MACF1: variants seen among roughly 807,000 people sequenced by gnomAD.
MACF1 encodes microtubule actin crosslinking factor 1.
In MACF1, 193 loss-of-function variants were observed where a neutral mutation model predicts 854.8. The observed-to-expected ratio is 0.23, with a 90% CI of 0.20 to 0.25. MACF1 has a LOEUF of 0.25. Among genes scored for constraint, MACF1 ranks in the 10% least tolerant of loss-of-function variants. The probability of loss-of-function intolerance (pLI) is 1.00; values close to 1 mark genes in which losing one functional copy is unlikely to be tolerated. For missense variants in MACF1, 7,722 were observed against 8,929.1 expected (o/e 0.86, Z 5.45); for synonymous variants, 3,185 against 3,226.7 (o/e 0.99, Z 0.44).
At chr1:39,203,985 G>T (rs375965526), upstream of MACF1, among the ~76,000 whole-genome samples, 12 of 152,200 alleles carry the variant, frequency 7.9e-5, no homozygotes, top group African/African-American at 2.9e-4. Flanking sequence ...TGGGTCCTCT[G>T]GTCTAAGGCC....
rs1325897790 is a variant in MACF1, at chr1:39,105,120, G to A, written c.220+20682G>A. Among the ~76,000 whole-genome samples the A allele has an allele frequency of 1.3e-5, 2 of 151,972 alleles. No individual in the cohort carries two copies. Among genetic ancestry groups the A allele is most frequent in the African/African-American group, 2.4e-5 (1 of 41,420 alleles). On this transcript the variant is annotated intron_variant, in intron 2 of 93. Coordinates refer to the MACF1 transcript ENST00000361689. This position sits in a 1 kb window ranked among gnomAD's most constrained non-coding sequence, Gnocchi z 5.9. ...ACGCGCGGGGCCTCCCACCCAGCGG[G>A]ACTCCCGCGTGGGCCGGCCTCTCGC...
At chr1:39,469,715 C>T in intron 97 of MACF1, 100 bp downstream of exon 97, 1 of 937,058 alleles carries the variant, frequency 1.1e-6, no homozygotes, top group Non-Finnish European at 1.7e-6. Context: ...GTATCTGCTG[C>T]ATTCATGAAT....
intron 74 of MACF1, among the ~76,000 whole-genome samples, chr1:39,441,725 A>T (rs1644121838): frequency 6.6e-6 from 1 of 152,140 alleles, no homozygotes. Context: ...AGTATTTCCA[A>T]ATTGTAGTTT....
intron 97 of MACF1, among the ~76,000 whole-genome samples, chr1:39,474,110 C>A (rs544378172): frequency 6.6e-6 from 1 of 151,922 alleles, no homozygotes; most frequent in Non-Finnish European, 1.5e-5. Flanking sequence ...AAATACAGGC[C>A]GGGTGCAGCA....
chr1:39,333,360 GA>G lies in MACF1; in HGVS notation c.6776del (p.Lys2259ArgfsTer19). The G allele has an allele frequency of 6.2e-7, 1 of 1,614,130 alleles. No individual in the cohort carries two copies. On this transcript the variant is annotated frameshift_variant, in exon 37 of 101. Transcript: ENST00000564288. LOFTEE classifies it high-confidence loss of function. ...NIAGGSMMMS[E>X]KTDEEDSGRE... Reference sequence around the variant, plus strand: ...CGCAGGTGGTAGTATGATGATGTCAGAAAAGACCGATGAGGAAGATAGTGGC... The same window carrying G: ...CGCAGGTGGTAGTATGATGATGTCAGAAAGACCGATGAGGAAGATAGTGGC...
intron 6 of MACF1, among the ~76,000 whole-genome samples, chr1:39,271,895 G>C (rs1645328853): frequency 6.6e-6 from 1 of 152,204 alleles, no homozygotes; most frequent in African/African-American, 2.4e-5. Context: ...TTAAAGAAAA[G>C]ATTGTTAGGA....
chr1:39,181,237 T>C (rs764370007), intron 2 of MACF1, among the ~76,000 whole-genome samples: 4 of 152,174 alleles, frequency 2.6e-5, no homozygotes, highest in Non-Finnish European at 5.9e-5. Flanking sequence ...GCATATTACT[T>C]ATTTTGGGGG....
In MACF1 at chr1:39,409,029, A is replaced by AGCGCGGCG. The variant is rs1642854065; in HGVS notation, c.15817-13338_15817-13331dup. Among the ~76,000 whole-genome samples the AGCGCGGCG allele has an allele frequency of 6.7e-6, 1 of 149,164 alleles. No individual in the cohort carries two copies. The highest frequency in any genetic ancestry group is 2.5e-5 in the African/African-American group (1 of 40,480). On this transcript the variant is annotated intron_variant, in intron 58 of 100. Transcript: ENST00000564288. This position sits in a 1 kb window ranked among gnomAD's most constrained non-coding sequence, Gnocchi z 4.2. The stretch of plus-strand genomic sequence containing the variant: ...GGGGGCTGCCCGGGCGGGGCGGCGC[A>AGCGCGGCG]GCGCGGCGGCGCGGGGAAGGGGGAG...
At chr1:39,099,701 A>G (rs1456016714) in intron 2 of MACF1, among the ~76,000 whole-genome samples, 1 of 152,290 alleles carries the variant, frequency 6.6e-6, no homozygotes, top group East Asian at 1.9e-4. Context: ...CCCAACCCCC[A>G]TAACAGTTCA....
intron 2 of MACF1, among the ~76,000 whole-genome samples, chr1:39,155,962 A>T (rs1186180998): frequency 6.6e-6 from 1 of 151,640 alleles, no homozygotes; most frequent in African/African-American, 2.4e-5. Context: ...ATCTAGGCTC[A>T]CTGCAAGCTT....
In MACF1 at chr1:39,309,563, T is replaced by C; in HGVS notation, c.2790-7T>C. On this transcript the variant is annotated splice_region_variant and splice_polypyrimidine_tract_variant and intron_variant, in intron 23 of 100. Coordinates refer to ENST00000564288, the MANE Select transcript of MACF1 (RefSeq NM_001394062.1). ...AAGGTAATAGTCAGGTTCTGTGTTATTTCTAGGGTCGAACAATCTTATCAG... is the reference window on the plus strand; with the variant it reads ...AAGGTAATAGTCAGGTTCTGTGTTACTTCTAGGGTCGAACAATCTTATCAG... 1.2e-6 allele frequency: 2 copies of C among 1,614,012 alleles called. No homozygotes were observed. The highest frequency in any genetic ancestry group is 1.7e-6 in the Non-Finnish European group (2 of 1,179,940).
intron 58 of MACF1, among the ~76,000 whole-genome samples, chr1:39,393,714 C>T (rs1642149015): frequency 2.0e-5 from 3 of 151,922 alleles, no homozygotes; most frequent in Admixed American, 2.0e-4. Context: ...GAGGCTGACG[C>T]AGGAGGATCA....
intron 2 of MACF1, among the ~76,000 whole-genome samples, chr1:39,170,246 A>G (rs651694): frequency 0.1 from 15,536 of 152,196 alleles, 2,105 homozygotes; most frequent in African/African-American, 0.31. Flanking sequence ...AGTTTTATCT[A>G]TCTATTGAAA....
In MACF1 at chr1:39,459,118, A is replaced by G. The variant is rs755977966; in HGVS notation, c.21229A>G (p.Met7077Val). ...CCTAAGTCAGCCAACCCCTCCTCCC[A>G]TGCCAATCCTTTCACAGTCTGAAGC... is the stretch of plus-strand genomic sequence containing the variant. ...KSLSQPTPPPMPILSQSEAKN... is the reference protein window; with the variant it reads ...KSLSQPTPPPVPILSQSEAKN... Residue 7077 changes from methionine to valine, a missense_variant, in exon 91 of 101, where the codon ATG becomes GTG. This residue lies in a region of MACF1 where 729 missense variants were observed against 900.5 expected (regional missense o/e 0.81). Coordinates refer to ENST00000564288, the MANE Select transcript of MACF1 (RefSeq NM_001394062.1). 7 of 1,613,926 alleles carry G rather than the reference A, an allele frequency of 4.3e-6. No individual in the cohort carries two copies. The Admixed American group carries it at 1.2e-4, about 27-fold the overall frequency.
chr1:39,439,302 A>G lies in MACF1; in HGVS notation c.18249A>G (p.Val6083=), dbSNP rs746935700. Residue 6083 remains valine (V), a synonymous_variant, in exon 72 of 101, where the codon GTA becomes GTG. Coordinates refer to ENST00000564288, the MANE Select transcript of MACF1 (RefSeq NM_001394062.1). ...KEIQDKLDQM[V]FFWEDIKARA... is the part of the protein sequence containing the mutation. ...TCCAGGATAAATTGGATCAAATGGT[A>G]TTCTTCTGGGAGGACATCAAAGCTC... 4.7e-5 allele frequency: 76 copies of G among 1,613,126 alleles called. No homozygotes were observed. The South Asian group carries it at 4.9e-4, about 10-fold the overall frequency.
intron 58 of MACF1, among the ~76,000 whole-genome samples, chr1:39,400,084 A>C (rs1192337677): frequency 1.3e-5 from 2 of 152,172 alleles, no homozygotes; most frequent in Non-Finnish European, 2.9e-5. Context: ...TTAAGGGAAC[A>C]CAATCTTTTT....
chr1:39,150,884 A>G (rs1359476202), intron 2 of MACF1, among the ~76,000 whole-genome samples: 1 of 152,086 alleles, frequency 6.6e-6, no homozygotes, highest in Non-Finnish European at 1.5e-5. Flanking sequence ...TTAAAGAAAG[A>G]TACTTTCTAG....
At chr1:39,250,219 A>G in intron 3 of MACF1, 116 bp downstream of exon 3, 1 of 580,520 alleles carries the variant, frequency 1.7e-6, no homozygotes, top group South Asian at 3.0e-5. Flanking sequence ...GAGGGGAGGA[A>G]GAAGTAGAAG....
chr1:39,335,096 A>G lies in MACF1; in HGVS notation c.8508A>G (p.Ala2836=), dbSNP rs1646788336. 1 of 1,614,134 alleles carries G rather than the reference A, an allele frequency of 6.2e-7. No individual in the cohort carries two copies. Among genetic ancestry groups the G allele is most frequent in the South Asian group, 1.1e-5 (1 of 91,078 alleles). ...VKVRVSDGEQ[A]KKSREISLKE... ...TGAGAGTTTCTGATGGGGAGCAGGCAAAAAAGAGCAGGGAAATTTCCTTAA... is the reference window on the plus strand; with the variant it reads ...TGAGAGTTTCTGATGGGGAGCAGGCGAAAAAGAGCAGGGAAATTTCCTTAA... The change falls in exon 37 of 101, where the codon GCA becomes GCG. Residue 2836 remains alanine, a synonymous_variant. Transcript: ENST00000564288.
Sources: gnomAD v4.1 joint callset for allele counts (sites outside exome capture counted in the v4.1 genomes callset) on GRCh38, gnomAD v4.1.1 for gene constraint, gnomAD v4.1.1 regional missense constraint, Gnocchi (gnomAD v3.1) non-coding constraint, MANE v1.5 for transcripts, NCBI Gene and HGNC (gene_info 2026-07-23, HGNC 2026-07-21) for gene names.